BANK1: variants seen among roughly 807,000 people sequenced by gnomAD.
The protein encoded by BANK1 is B-cell scaffold protein with ankyrin repeats.
BANK1 carries 95 observed loss-of-function variants against 94.5 expected under a neutral mutation model. The observed-to-expected ratio is 1.00, with a 90% CI of 0.85 to 1.19. The LOEUF is 1.19. BANK1 is among the 50% of genes most tolerant of loss of function. BANK1 has a pLI of 0.00. For synonymous variants in BANK1, 334 were observed against 308.4 expected (o/e 1.08, Z -0.87); for missense variants, 987 against 932.2 (o/e 1.06, Z -0.77).
At chr4:101,846,209 A>C (rs1396607719) in intron 2 of BANK1, among the ~76,000 whole-genome samples, 5 of 152,238 alleles carry the variant, frequency 3.3e-5, no homozygotes, top group Non-Finnish European at 7.3e-5. Context: ...GATTAAGAAA[A>C]TGTGGCACAT....
intron 7 of BANK1, among the ~76,000 whole-genome samples, chr4:102,014,213 A>G (rs1726614368): frequency 6.6e-6 from 1 of 152,146 alleles, no homozygotes; most frequent in Non-Finnish European, 1.5e-5. Context: ...CCACAACTAG[A>G]GTATAGTAAA....
At chr4:101,856,839 AG>A (rs1727697894) in intron 3 of BANK1, among the ~76,000 whole-genome samples, 3 of 152,184 alleles carry the variant, frequency 2.0e-5, no homozygotes, top group Admixed American at 2.0e-4. Context: ...CACTTTTTAA[AG>A]AATCCTAAAC....
chr4:102,044,355 A>G (rs1190079314), intron 11 of BANK1, among the ~76,000 whole-genome samples: 7 of 152,226 alleles, frequency 4.6e-5, no homozygotes, highest in Admixed American at 1.3e-4. Flanking sequence ...TACAGAGGAT[A>G]TGAACTCATC....
chr4:102,026,368 A>T (rs1035583266), intron 9 of BANK1, among the ~76,000 whole-genome samples: 8 of 132,232 alleles, frequency 6.0e-5, no homozygotes, highest in Non-Finnish European at 9.2e-5. Context: ...CAATTTAGTT[A>T]AAAAAAAAAA....
At chr4:101,885,075 G>A (rs1728802898) in intron 5 of BANK1, among the ~76,000 whole-genome samples, 2 of 152,010 alleles carry the variant, frequency 1.3e-5, no homozygotes, top group African/African-American at 4.8e-5. Flanking sequence ...CTGCCTCCAC[G>A]CCCGACTAAT....
intron 7 of BANK1, among the ~76,000 whole-genome samples, chr4:101,992,326 G>A (rs527308300): frequency 6.6e-6 from 1 of 152,206 alleles, no homozygotes; most frequent in South Asian, 2.1e-4. Context: ...AAAAAGAAGG[G>A]CTACAAAATA....
chr4:102,003,501 G>C (rs1726145200), intron 7 of BANK1, among the ~76,000 whole-genome samples: 1 of 152,174 alleles, frequency 6.6e-6, no homozygotes, highest in Admixed American at 6.6e-5. Flanking sequence ...TGGTGAGGCT[G>C]TACCTTTTCC....
chr4:102,028,193 C>T (rs1294685453), intron 9 of BANK1, among the ~76,000 whole-genome samples: 1 of 152,140 alleles, frequency 6.6e-6, no homozygotes, highest in African/African-American at 2.4e-5. Context: ...GGTTCATAAA[C>T]GTAAGATGGT....
intron 8 of BANK1, among the ~76,000 whole-genome samples, chr4:102,022,995 T>C (rs758987049): frequency 1.5e-4 from 23 of 152,238 alleles, no homozygotes; most frequent in Non-Finnish European, 2.9e-4. Context: ...ACCTGCTCCT[T>C]TTCTTCATTG....
At chr4:101,827,416 T>C (rs1488382579) in intron 1 of BANK1, among the ~76,000 whole-genome samples, 1 of 151,988 alleles carries the variant, frequency 6.6e-6, no homozygotes, top group Non-Finnish European at 1.5e-5. Context: ...TATTTTAAAT[T>C]AATGTTTCAA....
chr4:102,051,034 G>A (rs545520163), intron 11 of BANK1, among the ~76,000 whole-genome samples: 1 of 152,256 alleles, frequency 6.6e-6, no homozygotes, highest in Admixed American at 6.5e-5. Flanking sequence ...TGGGAAAGAG[G>A]TAGTCAGGCA....
intron 5 of BANK1, among the ~76,000 whole-genome samples, chr4:101,875,939 C>T (rs563502614): frequency 9.9e-5 from 15 of 152,186 alleles, no homozygotes; most frequent in African/African-American, 2.2e-4. Flanking sequence ...AAAGGAGTGA[C>T]GGTATCACCC....
Position 102,049,005 on chromosome 4 carries a change from A to C in BANK1, c.1969+5098A>C, listed in dbSNP as rs114486544. Among the ~76,000 whole-genome samples the C allele has an allele frequency of 7.9e-3, 1,203 of 152,296 alleles. 6 individuals are homozygous for C. The highest frequency in any genetic ancestry group is 0.017 in the Middle Eastern group (5 of 294). ...TTTGGATTTGAAATTAGAAAATACT[A>C]GTGCTAGAAATTAGAAATTTCTAGT... is the stretch of plus-strand genomic sequence containing the variant. On this transcript the variant is annotated intron_variant, in intron 11 of 16. Transcript: ENST00000322953.
At chr4:101,981,310 T>G (rs920434122) in intron 7 of BANK1, among the ~76,000 whole-genome samples, 1 of 152,138 alleles carries the variant, frequency 6.6e-6, no homozygotes, top group South Asian at 2.1e-4. Flanking sequence ...AAATACCATT[T>G]TAGTGTCAAT....
intron 7 of BANK1, among the ~76,000 whole-genome samples, chr4:101,935,746 CA>C (rs1723506525): frequency 6.6e-6 from 1 of 151,250 alleles, no homozygotes; most frequent in Non-Finnish European, 1.5e-5. Flanking sequence ...GTTTAATTAC[CA>C]GAAATAAATC....
rs1321045892 is a variant in BANK1 at position 101,790,865 on chromosome 4, G to A, written c.-16G>A. 4 of 1,536,908 alleles carry A rather than the reference G, an allele frequency of 2.6e-6. No homozygotes were observed. Among genetic ancestry groups the A allele is most frequent in the Middle Eastern group, 1.9e-4 (1 of 5,362 alleles). On this transcript the variant is annotated 5_prime_UTR_variant, in exon 1 of 17. Transcript: ENST00000322953. Reference sequence around the variant, plus strand: ...GCGGGCAGCAGTGCGCAGGCCCCTCGGCTTCAACCGCCACAATGCTGCCAG... The same window carrying A: ...GCGGGCAGCAGTGCGCAGGCCCCTCAGCTTCAACCGCCACAATGCTGCCAG...
intron 7 of BANK1, among the ~76,000 whole-genome samples, chr4:102,013,251 C>G (rs1404036942): frequency 1.3e-5 from 2 of 152,090 alleles, no homozygotes; most frequent in Non-Finnish European, 2.9e-5. Context: ...CTTATATACT[C>G]TGTATCTCAT....
intron 4 of BANK1, among the ~76,000 whole-genome samples, chr4:101,867,646 T>G (rs1263289010): frequency 6.6e-6 from 1 of 151,940 alleles, no homozygotes; most frequent in Non-Finnish European, 1.5e-5. Context: ...CAGGAGGGAC[T>G]TAGGTTTGTT....
In BANK1 at chr4:101,798,513, C is replaced by T. The variant is rs535835294; in HGVS notation, c.70+7563C>T. On this transcript the variant is annotated intron_variant, in intron 1 of 16. Coordinates refer to ENST00000322953, the MANE Select transcript of BANK1 (RefSeq NM_017935.5). Reference sequence around the variant, plus strand: ...GTCTCTTCAAATGGTATTTCTAGTTCTAGATCCTTGAGGAATCGCCATACT... The same window carrying T: ...GTCTCTTCAAATGGTATTTCTAGTTTTAGATCCTTGAGGAATCGCCATACT... 7.3e-3 allele frequency among the ~76,000 whole-genome samples: 1,112 copies of T among 152,238 alleles called. 23 individuals are homozygous for T. Among genetic ancestry groups the T allele is most frequent in the African/African-American group, 0.025 (1,047 of 41,546 alleles).
Sources: gnomAD v4.1 joint callset for allele counts (sites outside exome capture counted in the v4.1 genomes callset) on GRCh38, gnomAD v4.1.1 for gene constraint, MANE v1.5 for transcripts, NCBI Gene and HGNC (gene_info 2026-07-23, HGNC 2026-07-21) for gene names.